PAPSS1: variants seen among roughly 807,000 people sequenced by gnomAD.
PAPSS1 encodes the protein bifunctional 3'-phosphoadenosine 5'-phosphosulfate synthase 1.
PAPSS1 carries 50 observed loss-of-function variants against 72.0 expected under a neutral mutation model. That is an observed-to-expected ratio of 0.69 (90% CI 0.55 to 0.88). PAPSS1 has a LOEUF of 0.88. PAPSS1 is among the 40% of genes least tolerant of loss of function. The pLI is 0.00. For missense variants in PAPSS1, 657 were observed against 782.2 expected, an observed-to-expected ratio of 0.84 and a Z score of 1.91; for synonymous variants, 261 against 263.6, an observed-to-expected ratio of 0.99 and a Z score of 0.09.
chr4:107,623,334 G>T (rs62313980), intron 11 of PAPSS1, among the ~76,000 whole-genome samples: 29,738 of 151,680 alleles, frequency 0.2, 3,313 homozygotes, highest in East Asian at 0.37. Flanking sequence ...TGTCATTTTT[G>T]ACTAAAACTG....
chr4:107,654,532 A>G (rs1364286513), intron 8 of PAPSS1, among the ~76,000 whole-genome samples, 163 bp downstream of exon 8: 1 of 152,220 alleles, frequency 6.6e-6, no homozygotes, highest in African/African-American at 2.4e-5. Context: ...TCTGGACCAA[A>G]ATGACAAGAG....
chr4:107,709,370 C>T (rs1279772502), intron 1 of PAPSS1, among the ~76,000 whole-genome samples: 1 of 152,118 alleles, frequency 6.6e-6, no homozygotes, highest in African/African-American at 2.4e-5. Context: ...TCCAAACTGC[C>T]CTTAGGTATT....
At chr4:107,713,766 A>G (rs975688875) in intron 1 of PAPSS1, among the ~76,000 whole-genome samples, 2 of 50,206 alleles carry the variant, frequency 4.0e-5, no homozygotes, top group Admixed American at 2.6e-4. Flanking sequence ...CAAACAAAAA[A>G]AAAAAAGAAA....
intron 9 of PAPSS1, among the ~76,000 whole-genome samples, chr4:107,646,314 C>A: frequency 1.0e-5 from 1 of 99,146 alleles, no homozygotes; most frequent in South Asian, 3.2e-4. Context: ...TATATATACA[C>A]ACACACACAC....
chr4:107,670,649 G>A (rs926494894), intron 5 of PAPSS1, among the ~76,000 whole-genome samples: 8 of 152,138 alleles, frequency 5.3e-5, no homozygotes, highest in South Asian at 2.1e-4. Flanking sequence ...AGAGATCCTC[G>A]TGCCTCTGCC....
At chr4:107,630,401 C>T (rs12498674) in intron 11 of PAPSS1, among the ~76,000 whole-genome samples, 36,541 of 151,932 alleles carry the variant, frequency 0.24, 4,419 homozygotes, top group East Asian at 0.37. Context: ...TGCAGTTTCC[C>T]CCATGCTGTT....
intron 11 of PAPSS1, among the ~76,000 whole-genome samples, chr4:107,625,496 C>G (rs1262685624): frequency 6.6e-6 from 1 of 152,030 alleles, no homozygotes; most frequent in Non-Finnish European, 1.5e-5. Flanking sequence ...CAATGCTCAG[C>G]CAATAGCCAG....
chr4:107,707,679 T>C (rs556078186), intron 1 of PAPSS1, among the ~76,000 whole-genome samples: 4 of 152,328 alleles, frequency 2.6e-5, no homozygotes, highest in African/African-American at 9.6e-5. Context: ...TTCTACTCTC[T>C]TCAATGTGTT....
chr4:107,622,296 T>C (rs956775178), intron 11 of PAPSS1, among the ~76,000 whole-genome samples: 2 of 152,210 alleles, frequency 1.3e-5, no homozygotes, highest in East Asian at 3.9e-4. Context: ...TGCTGTTTAC[T>C]GCTCCATGCA....
chr4:107,642,418 C>A (rs931047464), intron 10 of PAPSS1, among the ~76,000 whole-genome samples: 1 of 152,104 alleles, frequency 6.6e-6, no homozygotes, highest in Admixed American at 6.5e-5. Context: ...CACCTGTGAA[C>A]TGTGAATAAC....
intron 10 of PAPSS1, among the ~76,000 whole-genome samples, chr4:107,640,800 A>G (rs13145070): frequency 1.3e-5 from 2 of 152,222 alleles, no homozygotes; most frequent in Non-Finnish European, 2.9e-5. Flanking sequence ...TTGCTCAGGC[A>G]TCAGAGCTGG....
intron 4 of PAPSS1, among the ~76,000 whole-genome samples, chr4:107,683,125 G>A (rs1722679963): frequency 6.6e-6 from 1 of 152,038 alleles, no homozygotes; most frequent in South Asian, 2.1e-4. Flanking sequence ...GTCTATCTCG[G>A]AAAGCTTAGG....
At chr4:107,671,214 T>C (rs1428196956) in intron 5 of PAPSS1, among the ~76,000 whole-genome samples, 7 of 151,368 alleles carry the variant, frequency 4.6e-5, no homozygotes, top group African/African-American at 1.7e-4. Context: ...AGGAAAAACA[T>C]TAGTGAAAAA....
intron 1 of PAPSS1, among the ~76,000 whole-genome samples, chr4:107,717,217 C>T (rs1353374388): frequency 2.0e-5 from 3 of 151,720 alleles, no homozygotes; most frequent in South Asian, 2.1e-4. Flanking sequence ...ATTTATTTCG[C>T]GGTTACTTTT....
chr4:107,704,676 G>T (rs1046664518), intron 1 of PAPSS1, among the ~76,000 whole-genome samples: 4 of 152,106 alleles, frequency 2.6e-5, no homozygotes, highest in African/African-American at 9.7e-5. Flanking sequence ...TGTTAGCTGG[G>T]CATGGTGGCT....
intron 11 of PAPSS1, among the ~76,000 whole-genome samples, chr4:107,622,185 G>T (rs941182929): frequency 6.6e-6 from 1 of 152,066 alleles, no homozygotes; most frequent in Non-Finnish European, 1.5e-5. Flanking sequence ...AAGCTACTTT[G>T]GCTTCCTGGC....
At chr4:107,670,373 A>G (rs905098128) in intron 5 of PAPSS1, among the ~76,000 whole-genome samples, 20 of 152,166 alleles carry the variant, frequency 1.3e-4, no homozygotes, top group African/African-American at 4.6e-4. Context: ...ATTAACTAAG[A>G]CTACAGAGAT....
chr4:107,667,394 T>C (rs778383574), intron 5 of PAPSS1, among the ~76,000 whole-genome samples: 3 of 152,148 alleles, frequency 2.0e-5, no homozygotes, highest in Non-Finnish European at 4.4e-5. Flanking sequence ...TCAAACCTGG[T>C]GTGGGGACAG....
chr4:107,708,655 C>T (rs1216008481), intron 1 of PAPSS1, among the ~76,000 whole-genome samples: 1 of 152,142 alleles, frequency 6.6e-6, no homozygotes, highest in African/African-American at 2.4e-5. Context: ...TAAGTAGAGA[C>T]CGTCTGTTTT....
Sources: allele counts gnomAD v4.1 joint callset (sites outside exome capture counted in the v4.1 genomes callset), GRCh38; gene constraint gnomAD v4.1.1; transcripts MANE v1.5; gene names NCBI Gene and HGNC (gene_info 2026-07-23, HGNC 2026-07-21).